RSPH10B: variants seen among roughly 807,000 people sequenced by gnomAD.
RSPH10B encodes radial spoke head 10 homolog B (Chlamydomonas).
RSPH10B carries 7 observed loss-of-function variants against 52.5 expected under a neutral mutation model. The ratio of observed to expected loss-of-function variants is 0.13; its 90% CI spans 0.08 to 0.25. The LOEUF (loss-of-function observed/expected upper bound fraction) is 0.25. RSPH10B is among the 10% of genes least tolerant of loss of function. The pLI is 1.00. For missense variants in RSPH10B, 89 were observed against 542.5 expected, an observed-to-expected ratio of 0.16 and a Z score of 8.30; for synonymous variants, 28 against 193.2, an observed-to-expected ratio of 0.14 and a Z score of 7.09.
chr7:5,968,659 A>C (rs1331458544), upstream of RSPH10B, among the ~76,000 whole-genome samples: 19 of 67,288 alleles, frequency 2.8e-4, 4 homozygotes, highest in African/African-American at 8.8e-4. Flanking sequence ...GGCGCCCACC[A>C]CCACACCTGG....
chr7:5,927,070 A>ATATATGTGTGTG (rs1554284566), intron 18 of RSPH10B, among the ~76,000 whole-genome samples: 1 of 110,692 alleles, frequency 9.0e-6, no homozygotes, highest in Non-Finnish European at 1.9e-5. Flanking sequence ...GTGTGTGTAT[A>ATATATGTGTGTG]TGTGTGTGTG....
Position 5,940,938 on chromosome 7 carries a change from TA to T in RSPH10B, c.1759-2110del, listed in dbSNP as rs1562565156. 1.9e-3 allele frequency among the ~76,000 whole-genome samples: 121 copies of T among 63,950 alleles called. 6 individuals carry two copies. Among genetic ancestry groups the T allele is most frequent in the South Asian group, 9.6e-3 (20 of 2,090 alleles). The allele number at this position is 63,950 out of a possible 152,430, so 42.0% of individuals were successfully genotyped here. A position where few individuals can be genotyped will look rare whatever the true frequency, so the allele number is the denominator to read the frequency against. On this transcript the variant is annotated intron_variant, in intron 13 of 18. Coordinates refer to ENST00000337579, the Ensembl canonical transcript of RSPH10B. ...AAGACTGTCAAAATAATAATAATAATAATAATTATTATTATTATTATTATTA... is the reference window on the plus strand; with the variant it reads ...AAGACTGTCAAAATAATAATAATAATATAATTATTATTATTATTATTATTA...
chr7:5,927,054 G>GTATATT (rs1562553121), intron 18 of RSPH10B, among the ~76,000 whole-genome samples: 1,911 of 75,972 alleles, frequency 0.025, 6 homozygotes, highest in East Asian at 0.12. Context: ...TGTATTATGT[G>GTATATT]TGTGTGTGTG....
chr7:5,970,676 G>A (rs899187310), upstream of RSPH10B: 1 of 133,850 alleles, frequency 7.5e-6, no homozygotes, highest in African/African-American at 2.7e-5. Context: ...CCGGGCTCTC[G>A]GCGTCCCAGA....
chr7:5,947,730 A>AAAATG (rs1554288709), intron 10 of RSPH10B, among the ~76,000 whole-genome samples: 2 of 74,722 alleles, frequency 2.7e-5, no homozygotes, highest in African/African-American at 4.6e-5. Context: ...AAAACAAAAC[A>AAAATG]AAACAAAACA....
chr7:5,954,424 C>T (rs1401185806), intron 7 of RSPH10B, among the ~76,000 whole-genome samples: 1 of 27,058 alleles, frequency 3.7e-5, no homozygotes, highest in Non-Finnish European at 7.1e-5. Context: ...CAGGCCTGAG[C>T]CACTAAGCCT....
In RSPH10B at chr7:5,929,353, T is replaced by C. The variant is rs949007634; in HGVS notation, c.2234-959A>G. On this transcript the variant is annotated intron_variant, in intron 17 of 18. Transcript: ENST00000337579. Reference sequence around the variant, plus strand: ...TGCCACCACACCCAGCTAATTATTATAGAGACAAGGTTTCGCTATGTTGCC... The same window carrying C: ...TGCCACCACACCCAGCTAATTATTACAGAGACAAGGTTTCGCTATGTTGCC... Among the ~76,000 whole-genome samples the C allele has an allele frequency of 6.6e-5, 8 of 121,816 alleles. 1 individual carries two copies. Among genetic ancestry groups the C allele is most frequent in the African/African-American group, 2.7e-4 (8 of 29,578 alleles). The allele number at this position is 121,816 out of a possible 152,430, so 79.9% of individuals were successfully genotyped here. A position where few individuals can be genotyped will look rare whatever the true frequency, so the allele number is the denominator to read the frequency against.
intron 3 of RSPH10B, among the ~76,000 whole-genome samples, chr7:5,964,093 A>ACC (rs1427075641): frequency 7.0e-6 from 1 of 143,314 alleles, no homozygotes; most frequent in African/African-American, 2.5e-5. Flanking sequence ...CTCACTAACT[A>ACC]ACTAAGTAAA....
chr7:5,928,861 C>T (rs868436241), intron 17 of RSPH10B, among the ~76,000 whole-genome samples: 25 of 148,912 alleles, frequency 1.7e-4, no homozygotes, highest in Non-Finnish European at 3.1e-4. Flanking sequence ...CTTAACCTCA[C>T]GTGATCCACC....
At chr7:5,941,693 G>A (rs1438900042) in intron 13 of RSPH10B, among the ~76,000 whole-genome samples, 5 of 138,802 alleles carry the variant, frequency 3.6e-5, no homozygotes, top group East Asian at 2.0e-4. Context: ...GCAGTGAGCC[G>A]AGACCTCACC....
chr7:5,942,770 G>A (rs1780262257), intron 13 of RSPH10B, among the ~76,000 whole-genome samples: 1 of 150,802 alleles, frequency 6.6e-6, no homozygotes, highest in African/African-American at 2.5e-5. Context: ...GCTGAGGCAG[G>A]AGAATTGCTT....
At chr7:5,942,922 A>T (rs1363449463) in intron 13 of RSPH10B, among the ~76,000 whole-genome samples, 26 of 118,758 alleles carry the variant, frequency 2.2e-4, no homozygotes, top group African/African-American at 7.7e-4. Context: ...TTATATATAT[A>T]TATATTTTTT....
At chr7:5,964,452 G>A (rs1286896931) in intron 3 of RSPH10B, 50 bp downstream of exon 5, 2 of 528,556 alleles carry the variant, frequency 3.8e-6, no homozygotes, top group African/African-American at 4.3e-5. Flanking sequence ...GAAACTGATT[G>A]TTCCATCCAA....
chr7:5,966,144 T>C (rs1781100353), intron 1 of RSPH10B, among the ~76,000 whole-genome samples: 1 of 83,524 alleles, frequency 1.2e-5, no homozygotes, highest in Non-Finnish European at 2.5e-5. Flanking sequence ...TTGGCCAGAC[T>C]GGTCTCAAAC....
chr7:5,928,853 T>C (rs1366462425), intron 17 of RSPH10B, among the ~76,000 whole-genome samples: 2 of 149,092 alleles, frequency 1.3e-5, no homozygotes, highest in African/African-American at 5.0e-5. Flanking sequence ...CTCGAACTCT[T>C]AACCTCACGT....
At chr7:5,942,393 T>A (rs1245787060) in intron 13 of RSPH10B, among the ~76,000 whole-genome samples, 2 of 131,820 alleles carry the variant, frequency 1.5e-5, no homozygotes, top group Non-Finnish European at 3.3e-5. Flanking sequence ...CGCCCGGCTA[T>A]GATTTTTTTA....
chr7:5,942,992 T>C (rs1780284757), intron 13 of RSPH10B, among the ~76,000 whole-genome samples: 2 of 148,516 alleles, frequency 1.3e-5, no homozygotes, highest in South Asian at 4.2e-4. Context: ...CTTGAACTCC[T>C]TGACCTCAGG....
chr7:5,940,153 T>C (rs1490477708), intron 13 of RSPH10B, among the ~76,000 whole-genome samples: 10 of 105,932 alleles, frequency 9.4e-5, no homozygotes, highest in Non-Finnish European at 6.5e-5. Flanking sequence ...GGTGAGATCG[T>C]GCCACCGCAC....
chr7:5,927,097 TATTTTTTTTTTTGAG>T (rs1779528925), intron 18 of RSPH10B, among the ~76,000 whole-genome samples: 1 of 140,868 alleles, frequency 7.1e-6, no homozygotes, highest in South Asian at 2.2e-4. Flanking sequence ...TGTGTGTGTG[TATTTTTTTTTTTGAG>T]ATAGGGTCTT....
Sources: gnomAD v4.1 joint callset for allele counts (sites outside exome capture counted in the v4.1 genomes callset) on GRCh38, gnomAD v4.1.1 for gene constraint, MANE v1.5 for transcripts, NCBI Gene and HGNC (gene_info 2026-07-23, HGNC 2026-07-21) for gene names.